Variants in FASTK observed in about 807,000 individuals in gnomAD.
FASTK encodes fas-activated serine/threonine kinase.
Under a neutral mutation model 60.0 loss-of-function variants are expected in FASTK, and 28 were observed. That is an observed-to-expected ratio of 0.47 (90% CI 0.35 to 0.64). The LOEUF is 0.64. Ranked by LOEUF, FASTK falls within the 30% of genes least tolerant of loss-of-function variation. FASTK has a pLI of 0.01. For missense variants in FASTK, 595 were observed against 713.8 expected, an observed-to-expected ratio of 0.83 and a Z score of 1.90; for synonymous variants, 325 against 307.9, an observed-to-expected ratio of 1.06 and a Z score of -0.58.
chr7:151,077,822 C>T (rs779795462), intron 5 of FASTK, 42 bp from the exon 6 acceptor site: 1 of 1,593,984 alleles, frequency 6.3e-7, no homozygotes, highest in Non-Finnish European at 8.6e-7. Flanking sequence ...TGCAGGCCAC[C>T]CTGCTCCCCT....
Position 151,076,761 on chromosome 7 carries a change from C to T in FASTK, c.1614G>A (p.Gln538=). ...QLKSYLRQKL[Q]ALGLRWGPEG... ...CAGGCCCCCAGCGCAGGCCCAGGGC[C>T]TGGAGCTTCTGCCTCAGGTAGCTCT... Residue 538 remains glutamine, a synonymous_variant, in exon 10 of 10, where the codon CAG becomes CAA. Coordinates refer to ENST00000297532, the MANE Select transcript of FASTK (RefSeq NM_006712.5). 1 of 1,611,128 alleles carries T rather than the reference C, an allele frequency of 6.2e-7. No homozygotes were observed. The highest frequency in any genetic ancestry group is 8.5e-7 in the Non-Finnish European group (1 of 1,178,886).
At chr7:151,080,658 A>G in intron 1 of FASTK, 27 bp downstream of exon 1, 2 of 1,432,746 alleles carry the variant, frequency 1.4e-6, no homozygotes, top group South Asian at 1.4e-5. Flanking sequence ...GCCCTCCCGC[A>G]GCCCTCCCCG....
Position 151,079,873 on chromosome 7 carries a change from G to A in FASTK, c.132C>T (p.Thr44=). Residue 44 remains threonine (T), a synonymous_variant, in exon 2 of 10, where the codon ACC becomes ACT. Coordinates refer to ENST00000297532, the MANE Select transcript of FASTK (RefSeq NM_006712.5). ...GCAGGCCAGACAGCCGAGCAGGGGA[G>A]GTCTGAGCAGAGAGCAGGACTCGAA... is the stretch of plus-strand genomic sequence containing the variant. ...SMLRVLLSAQ[T]SPARLSGLLL... is the part of the protein sequence containing the mutation. The A allele has an allele frequency of 6.2e-7, 1 of 1,604,258 alleles. No homozygotes were observed. The highest frequency in any genetic ancestry group is 8.5e-7 in the Non-Finnish European group (1 of 1,175,032).
At chr7:151,078,202 G>T in intron 4 of FASTK, 110 bp from the exon 5 acceptor site, 1 of 807,288 alleles carries the variant, frequency 1.2e-6, no homozygotes, top group Non-Finnish European at 2.0e-6. Context: ...CTGCTGTAAA[G>T]ACAGGACAGT....
Position 151,077,226 on chromosome 7 carries a change from C to G in FASTK, c.1302G>C (p.Leu434=). The change falls in exon 8 of 10, where the codon CTG becomes CTC. Residue 434 remains leucine, a synonymous_variant. Transcript: ENST00000297532. ...GCACAGCACCAGAGCTGCTGGCGCA[C>G]AGCAGGAAGTCTGGAGGGGAGCAGG... is the stretch of plus-strand genomic sequence containing the variant. ...VPPGYCTDFL[L]CASSSGAVLP... 1 of 1,612,572 alleles carries G rather than the reference C, an allele frequency of 6.2e-7. No individual in the cohort carries two copies. The highest frequency in any genetic ancestry group is 1.1e-5 in the South Asian group (1 of 91,042).
chr7:151,076,705 C>T lies in FASTK; in HGVS notation c.*20G>A, dbSNP rs1444851235. On this transcript the variant is annotated 3_prime_UTR_variant, in exon 10 of 10. Coordinates refer to ENST00000297532, the MANE Select transcript of FASTK (RefSeq NM_006712.5). ...ATCCACCCCCCATGGGGGGGCCATC[C>T]TGAACCCCACATCAACCCCTCAGCC... 1 of 1,493,274 alleles carries T rather than the reference C, an allele frequency of 6.7e-7. No homozygotes were observed. Among genetic ancestry groups the T allele is most frequent in the South Asian group, 1.3e-5 (1 of 79,922 alleles). 92.5% of individuals were successfully genotyped at this position (1,493,274 alleles called of 1,614,324 possible).
At chr7:151,078,128 G>A (rs758519510) in intron 4 of FASTK, 36 bp from the exon 5 acceptor site, 2 of 1,467,904 alleles carry the variant, frequency 1.4e-6, no homozygotes, top group Non-Finnish European at 1.9e-6. Context: ...CCAGTGTCAA[G>A]TATTTCTGCA....
In FASTK at chr7:151,077,107, G is replaced by C; in HGVS notation, c.1421C>G (p.Ala474Gly). ...CCCACCCTGCCTCCTTTACCTCTGG[G>C]CAGGGTCTCGAGTAGTGGCGCTAGA... ...AASSATTRDP[A>G]QRVVLVLRER... Residue 474 changes from alanine to glycine, a missense_variant, in exon 8 of 10, where the codon GCC (alanine) becomes GGC (glycine). By Grantham distance (60) the Ala-to-Gly change is moderately conservative (BLOSUM62 0). Transcript: ENST00000297532. 6.2e-7 allele frequency: 1 copy of C among 1,609,632 alleles called. No individual in the cohort carries two copies. The highest frequency in any genetic ancestry group is 8.5e-7 in the Non-Finnish European group (1 of 1,177,246).
Position 151,080,751 on chromosome 7 carries a change from C to T in FASTK, c.16G>A (p.Gly6Arg), listed in dbSNP as rs80032563. The change falls in exon 1 of 10, where the codon GGG becomes AGG. Residue 6 changes from glycine to arginine, a missense_variant. Around this residue, in one of 2 missense-constraint regions of FASTK, gnomAD observed 124 missense variants for 107.9 expected, o/e 1.15. Transcript: ENST00000297532. ...CTCGGGGCCCGGGGGCCGGGTTCCC[C>T]CCGCGGCCTCCTCATCGGCTAGCCA... MRRPR[G>R]EPGPRAPRPT... The T allele has an allele frequency of 5.4e-6, 7 of 1,302,828 alleles. No homozygotes were observed. Among genetic ancestry groups the T allele is most frequent in the Non-Finnish European group, 4.9e-6 (5 of 1,025,622 alleles). The allele number at this position is 1,302,828 out of a possible 1,614,324, so 80.7% of individuals were successfully genotyped here.
chr7:151,079,476 C>G, intron 2 of FASTK, 24 bp downstream of exon 2: 3 of 1,552,186 alleles, frequency 1.9e-6, no homozygotes, highest in South Asian at 1.2e-5. Flanking sequence ...GCCCCCCAGG[C>G]GCCCACCTCA....
In FASTK at chr7:151,076,989, C is replaced by T. The variant is rs774510924; in HGVS notation, c.1466G>A (p.Arg489Gln). 21 of 1,612,478 alleles carry T rather than the reference C, an allele frequency of 1.3e-5. No homozygotes were observed. Among genetic ancestry groups the T allele is most frequent in the East Asian group, 2.2e-5 (1 of 44,872 alleles). ...CGAGCCCAGCAGCACCCGGCCGTCC[C>T]GGCAGAAATGCCAGCGTTCCCGCAA... ...LVLRERWHFC[R>Q]DGRVLLGSRA... The change falls in exon 9 of 10, where the codon CGG becomes CAG. Residue 489 changes from arginine to glutamine, a missense_variant. Around this residue, in one of 2 missense-constraint regions of FASTK, gnomAD observed 471 missense variants for 605.9 expected, o/e 0.78. Coordinates refer to ENST00000297532, the MANE Select transcript of FASTK (RefSeq NM_006712.5).
In FASTK at chr7:151,077,087, C is replaced by A; in HGVS notation, c.1427+14G>T. On this transcript the variant is annotated intron_variant, in intron 8 of 9. Transcript: ENST00000297532. ...GGCAAGGTGGCCAGGGCTCCCCCAC[C>A]CTGCCTCCTTTACCTCTGGGCAGGG... 1.9e-6 allele frequency: 3 copies of A among 1,607,440 alleles called. No homozygotes were observed.
intron 4 of FASTK, 87 bp from the exon 5 acceptor site, chr7:151,078,179 C>T: frequency 9.5e-7 from 1 of 1,048,060 alleles, no homozygotes; most frequent in Non-Finnish European, 1.4e-6. Context: ...GCTTAGCCCT[C>T]AGGTTTACAA....
intron 1 of FASTK, chr7:151,080,183 T>C (rs1797910386): frequency 2.1e-6 from 1 of 475,852 alleles, no homozygotes. Context: ...TACACGCCCA[T>C]GAAGAGTAGG....
Position 151,076,754 on chromosome 7 carries a change from C to T in FASTK, c.1621G>A (p.Gly541Ser). Residue 541 changes from glycine to serine, a missense_variant, in exon 10 of 10, where the codon GGC (glycine) becomes AGC (serine). Gly to Ser is a moderately conservative substitution (Grantham distance 56). Coordinates refer to ENST00000297532, the MANE Select transcript of FASTK (RefSeq NM_006712.5). ...SYLRQKLQAL[G>S]LRWGPEGG ...CCCCCTTCAGGCCCCCAGCGCAGGCCCAGGGCCTGGAGCTTCTGCCTCAGG... is the reference window on the plus strand; with the variant it reads ...CCCCCTTCAGGCCCCCAGCGCAGGCTCAGGGCCTGGAGCTTCTGCCTCAGG... 4.3e-6 allele frequency: 7 copies of T among 1,609,526 alleles called. No homozygotes were observed. Among genetic ancestry groups the T allele is most frequent in the Non-Finnish European group, 5.9e-6 (7 of 1,177,960 alleles).
At chr7:151,079,405 T>A in intron 2 of FASTK, 95 bp downstream of exon 2, 2 of 1,266,420 alleles carry the variant, frequency 1.6e-6, no homozygotes, top group Non-Finnish European at 2.2e-6. Flanking sequence ...GGCAAACGCC[T>A]GAGAGGCTGG....
Position 151,076,741 on chromosome 7 carries a change from C to T in FASTK, c.1634G>A (p.Gly545Glu), listed in dbSNP as rs1797670478. Reference protein sequence around the residue: ...QKLQALGLRWGPEGG With the variant: ...QKLQALGLRWEPEGG ...ATCAACCCCTCAGCCCCCTTCAGGC[C>T]CCCAGCGCAGGCCCAGGGCCTGGAG... Residue 545 changes from glycine to glutamate, a missense_variant, in exon 10 of 10, where the codon GGG becomes GAG. This residue lies in a region of FASTK where 471 missense variants were observed against 605.9 expected (regional missense o/e 0.78). Transcript: ENST00000297532. 1.2e-6 allele frequency: 2 copies of T among 1,602,162 alleles called. No individual in the cohort carries two copies. The highest frequency in any genetic ancestry group is 2.2e-5 in the East Asian group (1 of 44,670).
At chr7:151,079,948 T>A in intron 1 of FASTK, 26 bp from the exon 2 acceptor site, 1 of 1,538,754 alleles carries the variant, frequency 6.5e-7, no homozygotes. Flanking sequence ...AAAAAGGGGG[T>A]GAGGTTTTCT....
chr7:151,078,766 G>C (rs964975437), intron 3 of FASTK, 65 bp from the exon 4 acceptor site: 2 of 1,609,780 alleles, frequency 1.2e-6, no homozygotes, highest in Non-Finnish European at 1.7e-6. Flanking sequence ...TTCCACCTCA[G>C]CCCAGCCAAC....
Sources: gnomAD v4.1 joint callset for allele counts on GRCh38, gnomAD v4.1.1 for gene constraint, gnomAD v4.1.1 regional missense constraint, MANE v1.5 for transcripts, NCBI Gene and HGNC (gene_info 2026-07-23, HGNC 2026-07-21) for gene names.